ZFP64: variants seen among roughly 807,000 people sequenced by gnomAD.
ZFP64 encodes the protein ZFP64 zinc finger protein, also known as zinc finger protein 64.
A neutral mutation model predicts 51.6 loss-of-function variants in ZFP64; 14 were observed. The observed-to-expected ratio is 0.27, with a 90% CI of 0.18 to 0.42. The LOEUF is 0.42. ZFP64 is among the 10% of genes least tolerant of loss of function. The pLI is 1.00. For synonymous variants in ZFP64, 375 were observed against 361.4 expected (o/e 1.04, Z -0.43); for missense variants, 754 against 906.8 (o/e 0.83, Z 2.16).
chr20:52,150,233 C>T (rs1322247293), downstream of ZFP64, among the ~76,000 whole-genome samples: 1 of 150,376 alleles, frequency 6.6e-6, no homozygotes, highest in Non-Finnish European at 1.5e-5. Flanking sequence ...GATAGGAAGT[C>T]CATCAAAATG....
intron 7 of ZFP64, among the ~76,000 whole-genome samples, chr20:52,089,374 G>C (rs981370705): frequency 6.6e-6 from 1 of 152,110 alleles, no homozygotes; most frequent in Admixed American, 6.6e-5. Context: ...CAGCAAAAAG[G>C]GTGTCGAATG....
At position 52,152,058 on chromosome 20, in the gene ZFP64, A is replaced by G; in HGVS notation, c.*88T>C. On this transcript the variant is annotated 3_prime_UTR_variant, in exon 6 of 6. Coordinates refer to ENST00000216923, the MANE Select transcript of ZFP64 (RefSeq NM_018197.3). ...TCTCAAAAACAAAACAAAACAAAGAAAACATTAAGAGCAAACCTTTTAGAG... is the reference window on the plus strand; with the variant it reads ...TCTCAAAAACAAAACAAAACAAAGAGAACATTAAGAGCAAACCTTTTAGAG... 3 of 1,494,666 alleles carry G rather than the reference A, an allele frequency of 2.0e-6. No homozygotes were observed. Among genetic ancestry groups the G allele is most frequent in the Non-Finnish European group, 2.7e-6 (3 of 1,123,990 alleles). 92.6% of individuals were successfully genotyped at this position (1,494,666 alleles called of 1,614,324 possible).
At chr20:52,188,907 C>T (rs1313156785) in intron 1 of ZFP64, among the ~76,000 whole-genome samples, 2 of 151,460 alleles carry the variant, frequency 1.3e-5, no homozygotes, top group Non-Finnish European at 2.9e-5. Flanking sequence ...ACCCGGAAGG[C>T]GCAGGTTGCA....
intron 7 of ZFP64, among the ~76,000 whole-genome samples, chr20:52,094,145 T>G (rs1215382995): frequency 6.6e-6 from 1 of 152,010 alleles, no homozygotes; most frequent in Non-Finnish European, 1.5e-5. Context: ...GGGGTGACTG[T>G]GGGGGATAGT....
At chr20:52,189,231 A>G (rs1382994144) in intron 1 of ZFP64, among the ~76,000 whole-genome samples, 1 of 151,912 alleles carries the variant, frequency 6.6e-6, no homozygotes, top group East Asian at 2.0e-4. Flanking sequence ...CCCCGTCTCT[A>G]CTAAAAATAC....
intron 4 of ZFP64, among the ~76,000 whole-genome samples, chr20:52,164,484 C>T (rs988485291): frequency 2.0e-5 from 3 of 152,208 alleles, no homozygotes; most frequent in Admixed American, 6.5e-5. Flanking sequence ...AGTTTGCTCA[C>T]ATCCTCTCCA....
At chr20:52,159,110 C>A (rs967946735) in intron 5 of ZFP64, among the ~76,000 whole-genome samples, 3 of 152,190 alleles carry the variant, frequency 2.0e-5, no homozygotes, top group African/African-American at 7.2e-5. Context: ...GTGGTTAAGC[C>A]AAGCCAAGAT....
At chr20:52,178,439 T>C (rs1983394826) in intron 2 of ZFP64, among the ~76,000 whole-genome samples, 1 of 152,190 alleles carries the variant, frequency 6.6e-6, no homozygotes, top group Non-Finnish European at 1.5e-5. Flanking sequence ...CTACTTTATA[T>C]AGAGTACTTA....
intron 5 of ZFP64, among the ~76,000 whole-genome samples, chr20:52,126,338 A>T (rs548495977): frequency 1.1e-4 from 17 of 152,202 alleles, no homozygotes; most frequent in Admixed American, 5.9e-4. Flanking sequence ...GAAGATGTGG[A>T]GCTGGAATTT....
At chr20:52,107,623 T>C (rs1051954233) in intron 5 of ZFP64, among the ~76,000 whole-genome samples, 2 of 152,236 alleles carry the variant, frequency 1.3e-5, no homozygotes, top group African/African-American at 4.8e-5. Context: ...ATAAAAAGGG[T>C]ATGTAATCTT....
At position 52,084,872 on chromosome 20, in the gene ZFP64, GTGCTTGGCCAGGC is replaced by G; in HGVS notation, c.1610_1622del (p.Ser537ThrfsTer35). Reference sequence around the variant, plus strand: ...CCTCGTCCCTGTGCACCTTGTCGACGTGCTTGGCCAGGCTGCTGGGCCGCTTCGTGTCGAAGCT... The same window carrying G: ...CCTCGTCCCTGTGCACCTTGTCGACGTGCTGGGCCGCTTCGTGTCGAAGCT... On this transcript the variant is annotated frameshift_variant, in exon 9 of 9. Coordinates refer to the ZFP64 transcript ENST00000361387. LOFTEE classifies it high-confidence loss of function. The G allele has an allele frequency of 1.2e-6, 2 of 1,613,780 alleles. No homozygotes were observed. The highest frequency in any genetic ancestry group is 1.7e-6 in the Non-Finnish European group (2 of 1,180,010).
intron 2 of ZFP64, among the ~76,000 whole-genome samples, chr20:52,170,717 G>A (rs548969252): frequency 1.3e-5 from 2 of 152,174 alleles, no homozygotes; most frequent in African/African-American, 2.4e-5. Flanking sequence ...TGCTGTTGCT[G>A]TTGACTTTAT....
At chr20:52,116,061 C>A (rs557087098) in intron 5 of ZFP64, among the ~76,000 whole-genome samples, 4 of 149,618 alleles carry the variant, frequency 2.7e-5, no homozygotes, top group Non-Finnish European at 5.9e-5. Context: ...CTCGAACTCC[C>A]GACCTCAGGT....
chr20:52,160,513 A>T lies in ZFP64; in HGVS notation c.512-139T>A, dbSNP rs556933587. The T allele has an allele frequency of 4.6e-4, 536 of 1,163,444 alleles. 1 individual carries two copies. Among genetic ancestry groups the T allele is most frequent in the Non-Finnish European group, 5.1e-4 (440 of 854,978 alleles). The allele number at this position is 1,163,444 out of a possible 1,614,324, so 72.1% of individuals were successfully genotyped here. A position where few individuals can be genotyped will look rare whatever the true frequency, so the allele number is the denominator to read the frequency against. Reference sequence around the variant, plus strand: ...AAAACCCTAAAACACTGGGTGGATGATTGGCAAAGAGCTAACATCTTGGGA... The same window carrying T: ...AAAACCCTAAAACACTGGGTGGATGTTTGGCAAAGAGCTAACATCTTGGGA... On this transcript the variant is annotated intron_variant, in intron 4 of 5. Coordinates refer to ENST00000216923, the MANE Select transcript of ZFP64 (RefSeq NM_018197.3). This position sits in a 1 kb window ranked among gnomAD's most constrained non-coding sequence, Gnocchi z 4.2.
intron 5 of ZFP64, among the ~76,000 whole-genome samples, chr20:52,101,140 C>A (rs2079045727): frequency 6.6e-6 from 1 of 152,124 alleles, no homozygotes; most frequent in Non-Finnish European, 1.5e-5. Context: ...ATAGGACAGC[C>A]CCCACAAGGA....
At chr20:52,110,374 C>G (rs1480174146) in intron 5 of ZFP64, 4 of 531,982 alleles carry the variant, frequency 7.5e-6, no homozygotes, top group Non-Finnish European at 1.4e-5. Context: ...CCCCCTTCTT[C>G]TGGAAGGCAG....
rs1048107944 is a variant in ZFP64 at position 52,105,037 on chromosome 20, A to C, written c.764-6450T>G. 84 of 1,355,414 alleles carry C rather than the reference A, an allele frequency of 6.2e-5. 1 individual carries two copies. Among genetic ancestry groups the C allele is most frequent in the Non-Finnish European group, 7.6e-5 (79 of 1,037,468 alleles). The allele number at this position is 1,355,414 out of a possible 1,614,324, so 84.0% of individuals were successfully genotyped here. A position where few individuals can be genotyped will look rare whatever the true frequency, so the allele number is the denominator to read the frequency against. On this transcript the variant is annotated intron_variant, in intron 5 of 8. Coordinates refer to the ZFP64 transcript ENST00000361387. The stretch of plus-strand genomic sequence containing the variant: ...CGCCGGACGCTTCGCCCGCCCTTTC[A>C]GGTCCCCTGCCCGGTCCTCGTACCC...
Position 52,176,731 on chromosome 20 carries a change from T to G in ZFP64, c.286+10101A>C, listed in dbSNP as rs943005646. On this transcript the variant is annotated intron_variant, in intron 2 of 5. Coordinates refer to ENST00000216923, the MANE Select transcript of ZFP64 (RefSeq NM_018197.3). ...TCACCTTGTTAGCCAGGATGGTCTC[T>G]ATCTCCTGACCTCATGATCCACCCG... is the stretch of plus-strand genomic sequence containing the variant. Among the ~76,000 whole-genome samples the G allele has an allele frequency of 5.6e-3, 844 of 151,790 alleles. 8 individuals are homozygous for G. Among genetic ancestry groups the G allele is most frequent in the African/African-American group, 0.019 (790 of 41,400 alleles).
chr20:52,160,431 G>T lies in ZFP64; in HGVS notation c.512-57C>A, dbSNP rs1273881412. ...GGAAACAAGATTAAAAAAGGAAAAGGCTTATTTCCCACTGCCTTACGAAAA... is the reference window on the plus strand; with the variant it reads ...GGAAACAAGATTAAAAAAGGAAAAGTCTTATTTCCCACTGCCTTACGAAAA... On this transcript the variant is annotated intron_variant, in intron 4 of 5. Coordinates refer to ENST00000216923, the MANE Select transcript of ZFP64 (RefSeq NM_018197.3). This position sits in a 1 kb window ranked among gnomAD's most constrained non-coding sequence, Gnocchi z 4.2. The T allele has an allele frequency of 2.6e-6, 4 of 1,539,812 alleles. No individual in the cohort carries two copies. The highest frequency in any genetic ancestry group is 2.6e-6 in the Non-Finnish European group (3 of 1,146,716).
Sources: gnomAD v4.1 joint callset for allele counts (sites outside exome capture counted in the v4.1 genomes callset) on GRCh38, gnomAD v4.1.1 for gene constraint, Gnocchi (gnomAD v3.1) non-coding constraint, MANE v1.5 for transcripts, NCBI Gene and HGNC (gene_info 2026-07-23, HGNC 2026-07-21) for gene names.